ZFAND3: variants seen among roughly 807,000 people sequenced by gnomAD.
ZFAND3 encodes the protein AN1-type zinc finger protein 3.
ZFAND3 carries 10 observed loss-of-function variants against 29.6 expected under a neutral mutation model. The observed-to-expected ratio is 0.34, with a 90% CI of 0.21 to 0.57. ZFAND3 has a LOEUF of 0.57. ZFAND3 is among the 20% of genes least tolerant of loss of function. ZFAND3 has a pLI of 0.86. For missense variants in ZFAND3, 230 were observed against 304.5 expected, an observed-to-expected ratio of 0.76 and a Z score of 1.82; for synonymous variants, 128 against 112.6, an observed-to-expected ratio of 1.14 and a Z score of -0.87.
intron 2 of ZFAND3, among the ~76,000 whole-genome samples, chr6:38,011,109 G>T (rs9380713): frequency 6.6e-6 from 1 of 151,838 alleles, no homozygotes. Context: ...GTTTCAATTC[G>T]CATAATACGT....
intron 2 of ZFAND3, among the ~76,000 whole-genome samples, chr6:38,011,975 A>T (rs758828521): frequency 2.4e-4 from 37 of 152,228 alleles, no homozygotes; most frequent in Non-Finnish European, 4.3e-4. Context: ...TAAAAAAGAT[A>T]CTTAAAATTA....
At chr6:37,877,909 G>A (rs1764823141) in intron 1 of ZFAND3, among the ~76,000 whole-genome samples, 1 of 152,188 alleles carries the variant, frequency 6.6e-6, no homozygotes, top group South Asian at 2.1e-4. Flanking sequence ...AGCAGGGAAT[G>A]ACTTAATCAG....
chr6:37,968,438 G>C (rs1009024336), intron 2 of ZFAND3, among the ~76,000 whole-genome samples: 3 of 151,510 alleles, frequency 2.0e-5, no homozygotes, highest in Non-Finnish European at 4.4e-5. Flanking sequence ...CAGACCACCT[G>C]ACAGAGGATC....
intron 1 of ZFAND3, among the ~76,000 whole-genome samples, chr6:37,922,758 T>A (rs1761407123): frequency 6.6e-6 from 1 of 152,096 alleles, no homozygotes; most frequent in Non-Finnish European, 1.5e-5. Context: ...AAAGGTGTGG[T>A]AAAAATGTGG....
chr6:37,835,730 G>A lies in ZFAND3; in HGVS notation c.71+15714G>A, dbSNP rs558688638. 5.3e-5 allele frequency among the ~76,000 whole-genome samples: 8 copies of A among 151,650 alleles called. No homozygotes were observed. The South Asian group carries it at 1.7e-3, about 32-fold the overall frequency. ...TCTTTTGAGTATGTTTCCTATGCAT[G>A]TACTGCATTTGTTCTTTTTTTTAAC... On this transcript the variant is annotated intron_variant, in intron 1 of 5. Transcript: ENST00000287218.
At chr6:37,983,940 T>TA (rs2050902409) in intron 2 of ZFAND3, among the ~76,000 whole-genome samples, 3 of 152,370 alleles carry the variant, frequency 2.0e-5, no homozygotes, top group South Asian at 4.1e-4. Flanking sequence ...ACACGTGACT[T>TA]ACTTTGGGCA....
intron 1 of ZFAND3, among the ~76,000 whole-genome samples, chr6:37,843,600 T>A (rs1351744293): frequency 1.3e-5 from 2 of 152,234 alleles, no homozygotes; most frequent in Non-Finnish European, 2.9e-5. Context: ...AGGAGAATTT[T>A]GTTTTGAGAA....
Position 38,154,601 on chromosome 6 carries a change from A to G in ZFAND3, c.*2212A>G. 1 of 960,696 alleles carries G rather than the reference A, an allele frequency of 1.0e-6. No homozygotes were observed. Among genetic ancestry groups the G allele is most frequent in the Non-Finnish European group, 1.2e-6 (1 of 807,010 alleles). 59.5% of individuals were successfully genotyped at this position (960,696 alleles called of 1,614,324 possible). A position where few individuals can be genotyped will look rare whatever the true frequency, so the allele number is the denominator to read the frequency against. Reference sequence around the variant, plus strand: ...TATTCTTTTTTCTCCTGCTGAAAAAAAAAATTAAACCAATCGTATGAAAGT... The same window carrying G: ...TATTCTTTTTTCTCCTGCTGAAAAAGAAAATTAAACCAATCGTATGAAAGT... On this transcript the variant is annotated 3_prime_UTR_variant, in exon 6 of 6. Coordinates refer to ENST00000287218, the MANE Select transcript of ZFAND3 (RefSeq NM_021943.3).
chr6:38,115,595 G>T (rs1211830374), intron 4 of ZFAND3, among the ~76,000 whole-genome samples: 1 of 152,112 alleles, frequency 6.6e-6, no homozygotes, highest in Admixed American at 6.5e-5. Context: ...AGGGGTAAGA[G>T]GTGTGGCATC....
intron 2 of ZFAND3, among the ~76,000 whole-genome samples, chr6:37,963,652 T>C (rs1479812568): frequency 1.3e-5 from 2 of 152,192 alleles, no homozygotes; most frequent in Non-Finnish European, 2.9e-5. Context: ...TCCATCCTGC[T>C]TCACCAGCAA....
chr6:38,042,173 G>T (rs1424401438), intron 2 of ZFAND3, among the ~76,000 whole-genome samples: 1 of 151,846 alleles, frequency 6.6e-6, no homozygotes, highest in Non-Finnish European at 1.5e-5. Flanking sequence ...TCCTTAAAAT[G>T]ATTTTCTTAA....
chr6:37,998,361 T>A (rs1316307542), intron 2 of ZFAND3, among the ~76,000 whole-genome samples: 1 of 152,118 alleles, frequency 6.6e-6, no homozygotes, highest in Non-Finnish European at 1.5e-5. Flanking sequence ...TTCTGTATGA[T>A]CCAGTGGAAT....
At chr6:37,865,159 C>T (rs1049528267) in intron 1 of ZFAND3, among the ~76,000 whole-genome samples, 1 of 152,142 alleles carries the variant, frequency 6.6e-6, no homozygotes, top group Admixed American at 6.5e-5. Flanking sequence ...GCCTGGGAGA[C>T]TGGGTGACAC....
At chr6:37,965,292 T>C (rs953379946) in intron 2 of ZFAND3, among the ~76,000 whole-genome samples, 1 of 152,318 alleles carries the variant, frequency 6.6e-6, no homozygotes, top group Middle Eastern at 3.4e-3. Context: ...TCTATTTTTT[T>C]AGACCAGTAA....
At position 37,906,703 on chromosome 6, in the gene ZFAND3, T is replaced by G. The variant is rs569790844; in HGVS notation, c.72-23256T>G. Among the ~76,000 whole-genome samples the G allele has an allele frequency of 4.6e-5, 7 of 151,710 alleles. No individual in the cohort carries two copies. The South Asian group carries it at 1.5e-3, about 32-fold the overall frequency. ...TACTGGCCAACACTTACTTTCTGTT[T>G]TTTTTTTTTTTAATTAAATTTTATA... On this transcript the variant is annotated intron_variant, in intron 1 of 5. Transcript: ENST00000287218.
intron 2 of ZFAND3, among the ~76,000 whole-genome samples, chr6:38,047,373 T>A (rs2127458580): frequency 6.6e-6 from 1 of 152,276 alleles, no homozygotes; most frequent in South Asian, 2.1e-4. Context: ...ACTTTTTCTT[T>A]GGCCCTTTTG....
chr6:38,070,355 C>T (rs1007272678), intron 3 of ZFAND3, among the ~76,000 whole-genome samples: 59 of 148,572 alleles, frequency 4.0e-4, no homozygotes, highest in African/African-American at 1.4e-3. Flanking sequence ...ACCCGAGAGG[C>T]GAAGGTTGCA....
intron 1 of ZFAND3, among the ~76,000 whole-genome samples, chr6:37,883,793 G>A (rs1764939525): frequency 6.9e-6 from 1 of 145,534 alleles, no homozygotes; most frequent in South Asian, 2.1e-4. Flanking sequence ...ACCTGTCTCG[G>A]CCTCCCAAAG....
chr6:37,973,891 T>C (rs1209561580), intron 2 of ZFAND3, among the ~76,000 whole-genome samples: 1 of 152,208 alleles, frequency 6.6e-6, no homozygotes, highest in Non-Finnish European at 1.5e-5. Flanking sequence ...AGCAATACAG[T>C]GGCCAGTATA....
Sources: allele counts gnomAD v4.1 joint callset (sites outside exome capture counted in the v4.1 genomes callset), GRCh38; gene constraint gnomAD v4.1.1; transcripts MANE v1.5; gene names NCBI Gene and HGNC (gene_info 2026-07-23, HGNC 2026-07-21).